The following ZBTB16 variants were observed in gnomAD, a reference collection of about 807,000 sequenced individuals.
The protein encoded by ZBTB16 is zinc finger and BTB domain-containing protein 16.
In ZBTB16, 8 loss-of-function variants were observed where a neutral mutation model predicts 56.8. The ratio of observed to expected loss-of-function variants is 0.14; its 90% CI spans 0.08 to 0.25. The LOEUF is 0.25. ZBTB16 is among the 10% of genes least tolerant of loss of function. ZBTB16 has a pLI of 1.00. For missense variants in ZBTB16, 625 were observed against 903.0 expected, an observed-to-expected ratio of 0.69 and a Z score of 3.95; for synonymous variants, 363 against 368.5, an observed-to-expected ratio of 0.98 and a Z score of 0.17.
chr11:114,227,797 G>A (rs531836357), intron 4 of ZBTB16, among the ~76,000 whole-genome samples: 9 of 152,312 alleles, frequency 5.9e-5, no homozygotes, highest in Admixed American at 2.0e-4. Flanking sequence ...ACTTCTGGGC[G>A]GCAGAAGGGT....
At chr11:114,198,838 G>A (rs1177036951) in intron 4 of ZBTB16, among the ~76,000 whole-genome samples, 3 of 152,216 alleles carry the variant, frequency 2.0e-5, no homozygotes, top group Admixed American at 6.5e-5. Context: ...GTAAGGACAC[G>A]CATTCACCAT....
chr11:114,156,528 C>A, intron 3 of ZBTB16, 94 bp downstream of exon 3: 1 of 1,166,420 alleles, frequency 8.6e-7, no homozygotes, highest in Non-Finnish European at 1.3e-6. Flanking sequence ...GCCTGCATGT[C>A]CCCACTGCCC....
At chr11:114,133,670 CT>C (rs1941727386) in intron 2 of ZBTB16, among the ~76,000 whole-genome samples, 1 of 152,106 alleles carries the variant, frequency 6.6e-6, no homozygotes, top group Non-Finnish European at 1.5e-5. Flanking sequence ...GGTCTTGGCC[CT>C]GGTTTACTAG....
intron 2 of ZBTB16, among the ~76,000 whole-genome samples, chr11:114,118,574 A>G (rs1237857213): frequency 2.0e-5 from 3 of 152,146 alleles, no homozygotes; most frequent in Non-Finnish European, 4.4e-5. Context: ...TTATTTACCT[A>G]TCTATCAGTC....
intron 4 of ZBTB16, among the ~76,000 whole-genome samples, chr11:114,230,635 G>GT (rs1364935127): frequency 7.5e-6 from 1 of 132,484 alleles, no homozygotes; most frequent in African/African-American, 2.9e-5. Flanking sequence ...CTTCTGTGGG[G>GT]GGGGGGCGGG....
In ZBTB16 at chr11:114,167,239, T is replaced by TTG. The variant is rs1222168969; in HGVS notation, c.1366+10806_1366+10807insGT. ...TGGTTTTTTTTTTTTTTGGTTTTTT[T>TTG]TTTTTTTTTTTTTTGACAAGCTTGG... On this transcript the variant is annotated intron_variant, in intron 3 of 6. Transcript: ENST00000335953. Among the ~76,000 whole-genome samples, 108 of 136,558 alleles carry TTG rather than the reference T, an allele frequency of 7.9e-4. 1 individual carries two copies. Among genetic ancestry groups the TTG allele is most frequent in the Non-Finnish European group, 1.2e-3 (74 of 63,244 alleles). 89.6% of individuals were successfully genotyped at this position (136,558 alleles called of 152,430 possible). A position where few individuals can be genotyped will look rare whatever the true frequency, so the allele number is the denominator to read the frequency against.
rs1944832869 is a variant in ZBTB16, at chr11:114,247,270, G to A, written c.1697G>A (p.Arg566His). Residue 566 changes from arginine to histidine, a missense_variant, in exon 6 of 7, where the codon CGC becomes CAC. Transcript: ENST00000335953. Reference protein sequence around the residue: ...RDESTLKSHKRIHTGEKPYEC... With the variant: ...RDESTLKSHKHIHTGEKPYEC... ...GAGAGCACACTCAAGAGCCACAAAC[G>A]CATCCACACGGGTGAGAAACCCTAC... 1.2e-6 allele frequency: 2 copies of A among 1,614,242 alleles called. No individual in the cohort carries two copies. Among genetic ancestry groups the A allele is most frequent in the Middle Eastern group, 1.6e-4 (1 of 6,062 alleles).
At chr11:114,116,157 A>G (rs238910) in intron 2 of ZBTB16, among the ~76,000 whole-genome samples, 72,186 of 152,088 alleles carry the variant, frequency 0.47, 17,969 homozygotes, top group African/African-American at 0.62. Flanking sequence ...GTGTTTAAGT[A>G]TGCTTAATGG....
chr11:114,187,583 T>G (rs888740395), intron 4 of ZBTB16: 2 of 185,076 alleles, frequency 1.1e-5, no homozygotes, highest in African/African-American at 4.7e-5. Context: ...ATCTGATCAT[T>G]GTGATCAGAG....
chr11:114,151,179 G>A (rs553495853), intron 2 of ZBTB16, among the ~76,000 whole-genome samples: 23 of 152,252 alleles, frequency 1.5e-4, no homozygotes, highest in Non-Finnish European at 1.8e-4. Context: ...CCAAAGCATC[G>A]GGGTGACTTT....
At chr11:114,106,936 G>A (rs1940813159) in intron 2 of ZBTB16, among the ~76,000 whole-genome samples, 1 of 152,136 alleles carries the variant, frequency 6.6e-6, no homozygotes, top group African/African-American at 2.4e-5. Flanking sequence ...TCATAGCCCA[G>A]TCCCTGCTAG....
intron 3 of ZBTB16, among the ~76,000 whole-genome samples, chr11:114,181,433 C>G (rs1043086340): frequency 3.3e-5 from 5 of 152,224 alleles, no homozygotes; most frequent in African/African-American, 1.2e-4. Flanking sequence ...ATCTGTCTGA[C>G]CCAAATGTTG....
intron 2 of ZBTB16, among the ~76,000 whole-genome samples, chr11:114,111,008 G>C (rs1215657539): frequency 6.6e-6 from 1 of 152,116 alleles, no homozygotes; most frequent in Non-Finnish European, 1.5e-5. Flanking sequence ...GTGCATGTTG[G>C]GGGGAAAACT....
chr11:114,075,285 C>A (rs1466499980), intron 2 of ZBTB16, among the ~76,000 whole-genome samples: 2 of 152,034 alleles, frequency 1.3e-5, no homozygotes, highest in African/African-American at 4.8e-5. Flanking sequence ...ACTTCCTCAT[C>A]TGTGAGATGA....
intron 4 of ZBTB16, among the ~76,000 whole-genome samples, chr11:114,191,946 G>A (rs185027477): frequency 1.3e-5 from 2 of 152,304 alleles, no homozygotes; most frequent in African/African-American, 2.4e-5. Flanking sequence ...CTCTTGTGTT[G>A]CGGACTGACC....
intron 2 of ZBTB16, among the ~76,000 whole-genome samples, chr11:114,131,072 G>A (rs1320140254): frequency 6.6e-6 from 1 of 152,218 alleles, no homozygotes; most frequent in African/African-American, 2.4e-5. Flanking sequence ...TTGCACAGTG[G>A]CATACAGGAG....
At chr11:114,169,326 T>C (rs1342083001) in intron 3 of ZBTB16, among the ~76,000 whole-genome samples, 1 of 152,152 alleles carries the variant, frequency 6.6e-6, no homozygotes. Context: ...CCTTTCAGAT[T>C]ATGTCCAGTG....
At chr11:114,142,762 A>AG (rs10717202) in intron 2 of ZBTB16, among the ~76,000 whole-genome samples, 1 of 150,624 alleles carries the variant, frequency 6.6e-6, no homozygotes, top group African/African-American at 2.5e-5. Flanking sequence ...GGCCTTGGGG[A>AG]GGGGGAGCTG....
intron 2 of ZBTB16, among the ~76,000 whole-genome samples, chr11:114,096,530 T>C (rs1282791404): frequency 6.6e-6 from 1 of 152,148 alleles, no homozygotes; most frequent in African/African-American, 2.4e-5. Flanking sequence ...TTAAATAAGG[T>C]TGTGTCAAAA....
Sources: allele counts gnomAD v4.1 joint callset (sites outside exome capture counted in the v4.1 genomes callset), GRCh38; gene constraint gnomAD v4.1.1; transcripts MANE v1.5; gene names NCBI Gene and HGNC (gene_info 2026-07-23, HGNC 2026-07-21).